The following ZNF83 variants were observed in gnomAD, a reference collection of about 807,000 sequenced individuals.
ZNF83 encodes the protein zinc finger protein 83, also known as zinc finger protein 816B.
For synonymous variants in ZNF83, 209 were observed against 213.0 expected, an observed-to-expected ratio of 0.98 and a Z score of 0.17; for missense variants, 552 against 629.9, an observed-to-expected ratio of 0.88 and a Z score of 1.32.
At chr19:52,619,397 G>A (rs919161602) in intron 2 of ZNF83, among the ~76,000 whole-genome samples, 4 of 152,192 alleles carry the variant, frequency 2.6e-5, no homozygotes, top group African/African-American at 9.7e-5. Context: ...GGAGGCTGAG[G>A]CAGGTGGATC....
intron 2 of ZNF83, among the ~76,000 whole-genome samples, chr19:52,633,825 A>C (rs1278970299): frequency 6.6e-6 from 1 of 152,146 alleles, no homozygotes; most frequent in African/African-American, 2.4e-5. Flanking sequence ...AAGGCGAATC[A>C]CTTGAACCCA....
At position 52,646,471 on chromosome 19, in the gene ZNF83, C is replaced by A. The variant is rs541297863; in HGVS notation, c.-74+9090G>T. Among the ~76,000 whole-genome samples, 7 of 152,200 alleles carry A rather than the reference C, an allele frequency of 4.6e-5. No individual in the cohort carries two copies. The South Asian group carries it at 1.5e-3, about 32-fold the overall frequency. Reference sequence around the variant, plus strand: ...GGCCAAGGTACGAGGATCACTTGACCCCCGGAGGTCAAGGCTACAGTTAGA... The same window carrying A: ...GGCCAAGGTACGAGGATCACTTGACACCCGGAGGTCAAGGCTACAGTTAGA... On this transcript the variant is annotated intron_variant, in intron 3 of 5. Transcript: ENST00000594682.
intron 1 of ZNF83, among the ~76,000 whole-genome samples, chr19:52,667,309 T>C (rs1600250784): frequency 1.3e-5 from 2 of 150,820 alleles, no homozygotes; most frequent in African/African-American, 4.9e-5. Context: ...ATAAATCAAA[T>C]GGTGGTTTAA....
chr19:52,623,333 A>C (rs9807837), intron 2 of ZNF83, among the ~76,000 whole-genome samples: 6,485 of 152,148 alleles, frequency 0.043, 426 homozygotes, highest in African/African-American at 0.14. Flanking sequence ...ACAGGGGCTA[A>C]CCACTCCACA....
At chr19:52,665,115 TC>T (rs1361186032) in intron 1 of ZNF83, among the ~76,000 whole-genome samples, 1 of 152,158 alleles carries the variant, frequency 6.6e-6, no homozygotes, top group African/African-American at 2.4e-5. Flanking sequence ...CAATTAGAAA[TC>T]CTCTCCCTTT....
chr19:52,681,303 C>CAAAAAAAAAAAAAAAAAAAAAAAAAAAA (rs1189423006), intron 1 of ZNF83, among the ~76,000 whole-genome samples: 5 of 78,318 alleles, frequency 6.4e-5, no homozygotes, highest in African/African-American at 1.8e-4. Context: ...AAAAAAAAAG[C>CAAAAAAAAAAAAAAAAAAAAAAAAAAAA]AAACGAACAT....
intron 2 of ZNF83, among the ~76,000 whole-genome samples, chr19:52,630,517 C>T (rs1368908740): frequency 2.0e-5 from 3 of 152,126 alleles, no homozygotes; most frequent in East Asian, 1.9e-4. Context: ...CCCCACCTGC[C>T]CAGTTCCCTT....
exon 3 of ZNF83, chr19:52,614,668 G>T: frequency 1.5e-6 from 2 of 1,357,086 alleles, no homozygotes; most frequent in African/African-American, 1.5e-5. Context: ...ATTTTTCTGG[G>T]TTTCTCTGAA....
rs560980622 is a variant in ZNF83, at chr19:52,677,386, T to C, written c.-283+13057A>G. On this transcript the variant is annotated intron_variant, in intron 1 of 5. Transcript: ENST00000594682. ...CTGTAATCCCAGCTACTCAGGAGGC[T>C]GAGGCAGGAGAATTGCTTGAACCCT... Among the ~76,000 whole-genome samples the C allele has an allele frequency of 4.0e-5, 6 of 151,162 alleles. No individual in the cohort carries two copies. In the East Asian group the frequency reaches 1.2e-3, roughly 30 times the overall value.
exon 3 of ZNF83, chr19:52,612,939 C>T: frequency 7.7e-7 from 1 of 1,297,442 alleles, no homozygotes. Context: ...ATTCATTATA[C>T]TTGCAAAGTT....
At chr19:52,683,190 C>G (rs1298031059) in intron 1 of ZNF83, among the ~76,000 whole-genome samples, 2 of 151,074 alleles carry the variant, frequency 1.3e-5, no homozygotes, top group Non-Finnish European at 2.9e-5. Flanking sequence ...ATTATGGCAT[C>G]TTGACTTGAT....
intron 2 of ZNF83, among the ~76,000 whole-genome samples, chr19:52,632,075 G>T (rs1020526728): frequency 2.0e-5 from 3 of 152,150 alleles, no homozygotes; most frequent in Non-Finnish European, 2.9e-5. Flanking sequence ...ATAGGTAGAG[G>T]CCTTTCCTAC....
intron 1 of ZNF83, among the ~76,000 whole-genome samples, chr19:52,680,873 A>T (rs1268984527): frequency 2.0e-5 from 3 of 151,272 alleles, no homozygotes; most frequent in Non-Finnish European, 4.4e-5. Context: ...CGGCCTCCCA[A>T]AGTGCTGGGA....
chr19:52,628,759 C>G (rs1206704185), intron 2 of ZNF83, among the ~76,000 whole-genome samples: 1 of 151,946 alleles, frequency 6.6e-6, no homozygotes, highest in African/African-American at 2.4e-5. Context: ...TCTCCTTCAC[C>G]CTTAGCAGCA....
chr19:52,684,631 A>G (rs1302035615), intron 1 of ZNF83, among the ~76,000 whole-genome samples: 1 of 151,258 alleles, frequency 6.6e-6, no homozygotes, highest in African/African-American at 2.4e-5. Context: ...GTAACGTGAT[A>G]GAGACTGGTG....
intron 2 of ZNF83, among the ~76,000 whole-genome samples, chr19:52,624,056 C>G (rs1298619248): frequency 6.6e-6 from 1 of 152,156 alleles, no homozygotes; most frequent in Non-Finnish European, 1.5e-5. Flanking sequence ...GACACTGACA[C>G]TCATCAGTCC....
exon 3 of ZNF83, chr19:52,613,208 C>G: frequency 6.2e-7 from 1 of 1,614,090 alleles, no homozygotes; most frequent in Non-Finnish European, 8.5e-7. Flanking sequence ...GGTTTCTCTC[C>G]AGTGTGAATT....
At chr19:52,673,622 C>T (rs1382033704) in intron 1 of ZNF83, among the ~76,000 whole-genome samples, 2 of 152,074 alleles carry the variant, frequency 1.3e-5, no homozygotes, top group Non-Finnish European at 2.9e-5. Flanking sequence ...CAAAAATGAG[C>T]CAATAACGAT....
At chr19:52,649,857 A>G (rs1028448678) in intron 3 of ZNF83, among the ~76,000 whole-genome samples, 2 of 152,166 alleles carry the variant, frequency 1.3e-5, no homozygotes, top group Admixed American at 1.3e-4. Flanking sequence ...ATAAGCTCAA[A>G]AAGTATATGT....
Sources: gnomAD v4.1 joint callset for allele counts (sites outside exome capture counted in the v4.1 genomes callset) on GRCh38, gnomAD v4.1.1 for gene constraint, MANE v1.5 for transcripts, NCBI Gene and HGNC (gene_info 2026-07-23, HGNC 2026-07-21) for gene names.